Variants in TMC2 observed in about 807,000 individuals in gnomAD.
TMC2 encodes transmembrane channel-like protein 2.
TMC2 carries 102 observed loss-of-function variants against 105.9 expected under a neutral mutation model. The ratio of observed to expected loss-of-function variants is 0.96; its 90% CI spans 0.82 to 1.14. The LOEUF (loss-of-function observed/expected upper bound fraction) is 1.14. Among genes scored for constraint, TMC2 ranks in the 50% most tolerant of loss-of-function variants. The probability of loss-of-function intolerance (pLI) is 0.00; values close to 1 mark genes in which losing one functional copy is unlikely to be tolerated. For missense variants in TMC2, 1,093 were observed against 1,134.3 expected (o/e 0.96, Z 0.52); for synonymous variants, 402 against 422.8 (o/e 0.95, Z 0.60).
intron 9 of TMC2, among the ~76,000 whole-genome samples, chr20:2,595,443 G>T (rs1355822284): frequency 6.6e-6 from 1 of 152,024 alleles, no homozygotes; most frequent in Non-Finnish European, 1.5e-5. Context: ...TAGAACCAAG[G>T]CTGGCATATA....
chr20:2,630,756 G>A (rs1203139375), intron 17 of TMC2, among the ~76,000 whole-genome samples: 2 of 152,216 alleles, frequency 1.3e-5, no homozygotes, highest in African/African-American at 4.8e-5. Context: ...TGAAAAGGTT[G>A]AGGCTGCAGT....
intron 11 of TMC2, among the ~76,000 whole-genome samples, chr20:2,602,666 T>G (rs1395039061): frequency 6.6e-6 from 1 of 152,266 alleles, no homozygotes; most frequent in Non-Finnish European, 1.5e-5. Flanking sequence ...GTTTGTCTAT[T>G]CCTGCACAAA....
rs976280999 is a variant in TMC2 at position 2,593,608 on chromosome 20, T to C, written c.933+1200T>C. On this transcript the variant is annotated intron_variant, in intron 8 of 19. Transcript: ENST00000358864. ...AAACCAGTTCTTTAATCAAATAGGATCCCATCATTAGGCAAAATGCGTTTT... is the reference window on the plus strand; with the variant it reads ...AAACCAGTTCTTTAATCAAATAGGACCCCATCATTAGGCAAAATGCGTTTT... Among the ~76,000 whole-genome samples the C allele has an allele frequency of 5.9e-5, 9 of 152,178 alleles. No individual in the cohort carries two copies. In the East Asian group the frequency reaches 1.5e-3, roughly 26 times the overall value.
At chr20:2,544,614 C>A (rs1326393558) in intron 2 of TMC2, among the ~76,000 whole-genome samples, 2 of 152,194 alleles carry the variant, frequency 1.3e-5, no homozygotes, top group Admixed American at 6.5e-5. Flanking sequence ...AATATCCTAT[C>A]TAAGGCAGTT....
intron 11 of TMC2, among the ~76,000 whole-genome samples, chr20:2,603,458 T>C (rs1279867480): frequency 1.3e-5 from 2 of 152,172 alleles, no homozygotes; most frequent in Admixed American, 6.5e-5. Context: ...GTAAATGGAT[T>C]TGATGCTACA....
rs144094824 is a variant in TMC2 at position 2,623,268 on chromosome 20, T to C, written c.2181-1003T>C. Among the ~76,000 whole-genome samples, 827 of 152,188 alleles carry C rather than the reference T, an allele frequency of 5.4e-3. 9 individuals carry two copies. The highest frequency in any genetic ancestry group is 0.019 in the African/African-American group (787 of 41,526). On this transcript the variant is annotated intron_variant, in intron 16 of 19. Coordinates refer to ENST00000358864, the MANE Select transcript of TMC2 (RefSeq NM_080751.3). ...AGAATAATTGTCAGGCCGGGCACAG[T>C]GGTTCACGCCTGTAATCCCAGCACT... is the stretch of plus-strand genomic sequence containing the variant.
In TMC2 at chr20:2,558,780, T is replaced by C. The variant is rs1411271247; in HGVS notation, c.401+6T>C. On this transcript the variant is annotated splice_donor_region_variant and intron_variant, in intron 3 of 19. Coordinates refer to ENST00000358864, the MANE Select transcript of TMC2 (RefSeq NM_080751.3). The surrounding 1 kb of genome is among the most constrained non-coding windows in gnomAD (Gnocchi z 4.6). ...AAGCGGCAGAAGAAACCCAGGTGTGTTGTGGCTCCGATTCTGGGCATTCGC... is the reference window on the plus strand; with the variant it reads ...AAGCGGCAGAAGAAACCCAGGTGTGCTGTGGCTCCGATTCTGGGCATTCGC... 1 of 1,529,980 alleles carries C rather than the reference T, an allele frequency of 6.5e-7. No individual in the cohort carries two copies. Among genetic ancestry groups the C allele is most frequent in the African/African-American group, 1.4e-5 (1 of 72,270 alleles). The allele number at this position is 1,529,980 out of a possible 1,614,324, so 94.8% of individuals were successfully genotyped here. A position where few individuals can be genotyped will look rare whatever the true frequency, so the allele number is the denominator to read the frequency against.
intron 3 of TMC2, among the ~76,000 whole-genome samples, chr20:2,560,719 G>C (rs553635073): frequency 8.6e-5 from 13 of 151,968 alleles, no homozygotes; most frequent in African/African-American, 1.4e-4. Context: ...TGCCTGTAGT[G>C]CCAGCTACTC....
At chr20:2,572,132 G>A in intron 4 of TMC2, 47 bp from the exon 5 acceptor site, 1 of 1,393,572 alleles carries the variant, frequency 7.2e-7, no homozygotes, top group Non-Finnish European at 1.0e-6. Context: ...GATTTCCTCT[G>A]GTTAGGTGCT....
At chr20:2,549,091 T>G (rs779201505) in intron 2 of TMC2, among the ~76,000 whole-genome samples, 6 of 152,224 alleles carry the variant, frequency 3.9e-5, no homozygotes, top group Non-Finnish European at 8.8e-5. Flanking sequence ...TTTGTATTTG[T>G]TTAGAAACAG....
At chr20:2,590,144 A>G (rs2086259066) in intron 7 of TMC2, among the ~76,000 whole-genome samples, 1 of 152,206 alleles carries the variant, frequency 6.6e-6, no homozygotes. Context: ...ATGTTGTATG[A>G]AAAAAACAAT....
At chr20:2,638,906 T>A (rs1379933828) in intron 19 of TMC2, among the ~76,000 whole-genome samples, 6 of 151,768 alleles carry the variant, frequency 4.0e-5, no homozygotes, top group South Asian at 4.2e-4. Context: ...AAAAAAAAAA[T>A]TTTTTTTGAG....
chr20:2,540,458 C>G (rs942219105), intron 2 of TMC2, among the ~76,000 whole-genome samples: 4 of 151,686 alleles, frequency 2.6e-5, no homozygotes, highest in African/African-American at 9.7e-5. Context: ...GTCAATAGTT[C>G]AAGACTAGCC....
Position 2,641,189 on chromosome 20 carries a change from C to A in TMC2, c.2559C>A (p.Gly853=). ...AGGCCATGGACAAGAAGGCGCAGGG[C>A]CCTGGGACCTCCAATTCTGCCAGCA... ...QSQAMDKKAQ[G]PGTSNSASRT... Residue 853 remains glycine (G), a synonymous_variant, in exon 20 of 20, where the codon GGC becomes GGA. Transcript: ENST00000358864. 1 of 1,614,152 alleles carries A rather than the reference C, an allele frequency of 6.2e-7. No homozygotes were observed. The highest frequency in any genetic ancestry group is 8.5e-7 in the Non-Finnish European group (1 of 1,180,026).
At chr20:2,589,239 T>C (rs2086251307) in intron 7 of TMC2, among the ~76,000 whole-genome samples, 1 of 146,410 alleles carries the variant, frequency 6.8e-6, no homozygotes, top group Admixed American at 7.0e-5. Context: ...ACTAAAAGCT[T>C]GGGCTTTTTC....
intron 16 of TMC2, among the ~76,000 whole-genome samples, chr20:2,621,951 C>T (rs2086528171): frequency 6.6e-6 from 1 of 152,174 alleles, no homozygotes; most frequent in African/African-American, 2.4e-5. Flanking sequence ...ACAAAATAAT[C>T]TACATTCAAC....
chr20:2,580,689 T>C (rs56078968), intron 7 of TMC2, among the ~76,000 whole-genome samples: 21,751 of 151,952 alleles, frequency 0.14, 2,123 homozygotes, highest in African/African-American at 0.28. Flanking sequence ...CTCAAGTAGC[T>C]CTCCCACCTC....
intron 10 of TMC2, among the ~76,000 whole-genome samples, chr20:2,598,399 T>TTTA (rs2086324984): frequency 6.9e-6 from 1 of 145,846 alleles, no homozygotes; most frequent in African/African-American, 2.7e-5. Flanking sequence ...CTCTACTTTA[T>TTTA]TTATTTATTT....
chr20:2,611,886 G>GTGAA (rs2086442607), intron 12 of TMC2, among the ~76,000 whole-genome samples: 1 of 87,442 alleles, frequency 1.1e-5, no homozygotes, highest in Non-Finnish European at 2.3e-5. Context: ...GGGTGGGTGG[G>GTGAA]TGGATGGATG....
Sources: gnomAD v4.1 joint callset for allele counts (sites outside exome capture counted in the v4.1 genomes callset) on GRCh38, gnomAD v4.1.1 for gene constraint, Gnocchi (gnomAD v3.1) non-coding constraint, MANE v1.5 for transcripts, NCBI Gene and HGNC (gene_info 2026-07-23, HGNC 2026-07-21) for gene names.